Variants in C8orf34 observed in about 807,000 individuals in gnomAD.
C8orf34 encodes uncharacterized protein C8orf34.
A neutral mutation model predicts 68.3 loss-of-function variants in C8orf34; 65 were observed. That is an observed-to-expected ratio of 0.95 (90% CI 0.78 to 1.17). The LOEUF (loss-of-function observed/expected upper bound fraction) is 1.17, where lower values mean the gene tolerates loss of function less well. Ranked by LOEUF, C8orf34 falls within the 50% of genes most tolerant of loss-of-function variation. The pLI, the probability that C8orf34 is intolerant of heterozygous loss-of-function variation, is 0.00. For missense variants in C8orf34, 664 were observed against 655.4 expected (o/e 1.01, Z -0.14); for synonymous variants, 244 against 241.2 (o/e 1.01, Z -0.11).
chr8:68,464,239 C>A (rs963740370), intron 3 of C8orf34, among the ~76,000 whole-genome samples: 2 of 152,044 alleles, frequency 1.3e-5, no homozygotes, highest in African/African-American at 2.4e-5. Flanking sequence ...ATCCAACTTA[C>A]AAGGGATGTG....
At chr8:68,416,942 T>C (rs1047896777) in intron 1 of C8orf34, among the ~76,000 whole-genome samples, 2 of 152,202 alleles carry the variant, frequency 1.3e-5, no homozygotes, top group Admixed American at 1.3e-4. Flanking sequence ...ATTACACCAT[T>C]ACTTTCCTCT....
intron 10 of C8orf34, among the ~76,000 whole-genome samples, chr8:68,774,931 A>G (rs1453856561): frequency 7.3e-6 from 1 of 137,424 alleles, no homozygotes; most frequent in Non-Finnish European, 1.5e-5. Context: ...ACATGATGAA[A>G]CCCTGTCTCC....
At chr8:68,807,024 C>A (rs530524031) in intron 12 of C8orf34, among the ~76,000 whole-genome samples, 1 of 152,288 alleles carries the variant, frequency 6.6e-6, no homozygotes, top group South Asian at 2.1e-4. Context: ...GGCCAAAGAC[C>A]TTGATTTCTC....
intron 1 of C8orf34, among the ~76,000 whole-genome samples, chr8:68,370,060 T>G (rs939298375): frequency 5.3e-5 from 8 of 152,176 alleles, no homozygotes; most frequent in Non-Finnish European, 1.0e-4. Flanking sequence ...TTGGGAAAGA[T>G]ATCCTGATTA....
intron 8 of C8orf34, among the ~76,000 whole-genome samples, chr8:68,680,662 C>T (rs539700827): frequency 6.6e-6 from 1 of 152,172 alleles, no homozygotes; most frequent in African/African-American, 2.4e-5. Context: ...AAAGCAAAAC[C>T]ACTGATAAGG....
chr8:68,718,301 A>T (rs116397259), intron 9 of C8orf34, among the ~76,000 whole-genome samples: 1,567 of 152,274 alleles, frequency 0.01, 31 homozygotes, highest in African/African-American at 0.036. Context: ...TTTAAATTTT[A>T]TCAAAATAAC....
chr8:68,368,330 A>T (rs759361701), intron 1 of C8orf34, among the ~76,000 whole-genome samples: 12 of 152,102 alleles, frequency 7.9e-5, no homozygotes, highest in Non-Finnish European at 1.0e-4. Flanking sequence ...CAGAAATGGC[A>T]GTTTTGTTTC....
intron 7 of C8orf34, among the ~76,000 whole-genome samples, chr8:68,544,151 C>A (rs1057103262): frequency 6.6e-6 from 1 of 152,104 alleles, no homozygotes; most frequent in African/African-American, 2.4e-5. Flanking sequence ...CAGGGGTGCT[C>A]CTCTTGGGTT....
intron 8 of C8orf34, among the ~76,000 whole-genome samples, chr8:68,668,379 A>C (rs555998900): frequency 6.6e-6 from 1 of 152,272 alleles, no homozygotes; most frequent in Non-Finnish European, 1.5e-5. Flanking sequence ...GAAAAAATAT[A>C]CTTATTTTTG....
intron 10 of C8orf34, among the ~76,000 whole-genome samples, chr8:68,747,761 C>G (rs1477315756): frequency 6.6e-6 from 1 of 151,510 alleles, no homozygotes; most frequent in Non-Finnish European, 1.5e-5. Context: ...GAAGAACATT[C>G]CATGCTCATG....
chr8:68,521,309 G>A (rs752346749), intron 5 of C8orf34, among the ~76,000 whole-genome samples: 5 of 152,148 alleles, frequency 3.3e-5, no homozygotes, highest in Non-Finnish European at 5.9e-5. Context: ...CATTGATAGT[G>A]CTGTGTTTCG....
intron 1 of C8orf34, 117 bp downstream of exon 1, chr8:68,331,456 G>T (rs1050942479): frequency 8.9e-7 from 1 of 1,120,110 alleles, no homozygotes; most frequent in South Asian, 1.3e-5. Context: ...GAACCAACGC[G>T]CGGGAGAGGG....
At chr8:68,471,655 T>C (rs1197129875) in intron 4 of C8orf34, among the ~76,000 whole-genome samples, 2 of 152,144 alleles carry the variant, frequency 1.3e-5, no homozygotes, top group Non-Finnish European at 2.9e-5. Context: ...TCCAGGTACC[T>C]TCATAAGGAA....
intron 12 of C8orf34, chr8:68,792,571 C>CAAAAAAAAAAAAAAAAAAAAA (rs1162293308): frequency 7.1e-5 from 3 of 42,296 alleles, no homozygotes; most frequent in African/African-American, 1.4e-4. Context: ...GACTCCATCT[C>CAAAAAAAAAAAAAAAAAAAAA]AAAAAAAAAA....
At chr8:68,530,815 T>G (rs1815212386) in intron 6 of C8orf34, 1 of 163,346 alleles carries the variant, frequency 6.1e-6, no homozygotes, top group Non-Finnish European at 1.3e-5. Context: ...TTAGCAACAA[T>G]CCTATTTCTG....
At chr8:68,812,079 C>T (rs1240133853) in intron 12 of C8orf34, among the ~76,000 whole-genome samples, 2 of 152,020 alleles carry the variant, frequency 1.3e-5, no homozygotes, top group Non-Finnish European at 2.9e-5. Flanking sequence ...TAAGGGAAAA[C>T]AACATATAAA....
chr8:68,462,436 C>A (rs544692771), intron 3 of C8orf34, among the ~76,000 whole-genome samples: 7,263 of 151,858 alleles, frequency 0.048, 239 homozygotes, highest in African/African-American at 0.084. Context: ...CTGCACCAAG[C>A]GGACCTAATA....
At chr8:68,419,578 C>A (rs1422633433) in intron 1 of C8orf34, among the ~76,000 whole-genome samples, 3 of 151,488 alleles carry the variant, frequency 2.0e-5, no homozygotes, top group Admixed American at 2.0e-4. Context: ...GGAACCAACC[C>A]AAATGTCCAA....
intron 7 of C8orf34, among the ~76,000 whole-genome samples, chr8:68,552,048 A>G (rs190540321): frequency 1.3e-5 from 2 of 152,130 alleles, no homozygotes; most frequent in South Asian, 4.1e-4. Flanking sequence ...TACATGTTTG[A>G]GTTTATTTCT....
Sources: gnomAD v4.1 joint callset for allele counts (sites outside exome capture counted in the v4.1 genomes callset) on GRCh38, gnomAD v4.1.1 for gene constraint, MANE v1.5 for transcripts, NCBI Gene and HGNC (gene_info 2026-07-23, HGNC 2026-07-21) for gene names.